The following IL1RAPL1 variants were observed in gnomAD, a reference collection of about 807,000 sequenced individuals.
IL1RAPL1 encodes interleukin 1 receptor accessory protein like 1.
In IL1RAPL1, 3 loss-of-function variants were observed where a neutral mutation model predicts 48.4. The ratio of observed to expected loss-of-function variants is 0.06; its 90% confidence interval spans 0.03 to 0.16. The LOEUF is 0.16. IL1RAPL1 is among the 10% of genes least tolerant of loss of function. The probability of loss-of-function intolerance (pLI) is 1.00; values close to 1 mark genes in which losing one functional copy is unlikely to be tolerated. For synonymous variants in IL1RAPL1, 185 were observed against 187.7 expected (o/e 0.99, Z 0.12); for missense variants, 349 against 530.6 (o/e 0.66, Z 3.36).
intron 2 of IL1RAPL1, among the ~76,000 whole-genome samples, chrX:28,934,619 T>C (rs781511461): frequency 8.9e-6 from 1 of 111,863 alleles, no homozygotes; most frequent in East Asian, 2.8e-4. Flanking sequence ...GCACAATTTA[T>C]ATAAACAGAA....
intron 1 of IL1RAPL1, among the ~76,000 whole-genome samples, chrX:28,617,828 T>C (rs188304793): frequency 7.5e-4 from 84 of 112,196 alleles, no homozygotes; most frequent in African/African-American, 2.6e-3. Context: ...TATTATTTTT[T>C]CCAGTCTTGA....
intron 2 of IL1RAPL1, among the ~76,000 whole-genome samples, chrX:29,136,453 T>C (rs1026781249): frequency 8.9e-6 from 1 of 112,066 alleles, no homozygotes; most frequent in African/African-American, 3.2e-5. Context: ...TTCTAATGTC[T>C]AAATAGGACT....
chrX:29,062,002 T>C (rs1927352821), intron 2 of IL1RAPL1, among the ~76,000 whole-genome samples: 1 of 112,421 alleles, frequency 8.9e-6, no homozygotes, highest in South Asian at 3.7e-4. Context: ...CTATTTAATA[T>C]CAGGAATTCT....
intron 1 of IL1RAPL1, among the ~76,000 whole-genome samples, chrX:28,772,350 C>G (rs1294334581): frequency 9.0e-6 from 1 of 111,490 alleles, no homozygotes; most frequent in African/African-American, 3.3e-5. Context: ...CCATAGTTTT[C>G]TCAAAATTAG....
At chrX:29,843,810 A>G (rs191540992) in intron 6 of IL1RAPL1, among the ~76,000 whole-genome samples, 2 of 106,481 alleles carry the variant, frequency 1.9e-5, no homozygotes. Context: ...TCTCTCTCTC[A>G]TCTCTACTTC....
chrX:29,449,150 A>T (rs754930803), intron 5 of IL1RAPL1, among the ~76,000 whole-genome samples: 81 of 111,853 alleles, frequency 7.2e-4, no homozygotes, highest in African/African-American at 2.5e-3. Context: ...CTTCCCATTT[A>T]TACATAAGGA....
intron 3 of IL1RAPL1, among the ~76,000 whole-genome samples, chrX:29,332,059 T>C (rs1342735954): frequency 9.5e-6 from 1 of 105,071 alleles, no homozygotes; most frequent in Admixed American, 1.0e-4. Context: ...TAATATGAAA[T>C]GTCACAAATT....
At chrX:29,478,987 C>G (rs1226556680) in intron 5 of IL1RAPL1, among the ~76,000 whole-genome samples, 1 of 110,847 alleles carries the variant, frequency 9.0e-6, no homozygotes, top group African/African-American at 3.3e-5. Context: ...TCTCTTCTTA[C>G]CCCTTAAACT....
chrX:29,591,308 G>C (rs1213843442), intron 5 of IL1RAPL1, among the ~76,000 whole-genome samples: 1 of 112,490 alleles, frequency 8.9e-6, no homozygotes, highest in African/African-American at 3.2e-5. Context: ...CGAGGTGCCT[G>C]TAAATATGAA....
intron 2 of IL1RAPL1, among the ~76,000 whole-genome samples, chrX:28,864,880 G>C (rs780932942): frequency 9.0e-6 from 1 of 111,187 alleles, no homozygotes; most frequent in Non-Finnish European, 1.9e-5. Context: ...GGTCCATCCA[G>C]TGGTAGTAGA....
chrX:29,888,915 C>A (rs1412362484), intron 6 of IL1RAPL1, among the ~76,000 whole-genome samples: 1 of 111,718 alleles, frequency 9.0e-6, no homozygotes, highest in Non-Finnish European at 1.9e-5. Flanking sequence ...AGCTTAGCTA[C>A]CTCTTTTTGG....
chrX:29,239,849 G>A (rs1381080196), intron 2 of IL1RAPL1, among the ~76,000 whole-genome samples: 1 of 110,110 alleles, frequency 9.1e-6, no homozygotes, highest in Non-Finnish European at 1.9e-5. Flanking sequence ...TGTTCTAGAG[G>A]CTTACCACAT....
chrX:28,923,725 CT>C (rs2147338844), intron 2 of IL1RAPL1, among the ~76,000 whole-genome samples: 1 of 110,934 alleles, frequency 9.0e-6, no homozygotes, highest in East Asian at 2.8e-4. Flanking sequence ...ATTCTTCCAA[CT>C]TTTCTGTGTG....
chrX:29,663,065 A>AAGATGTAT (rs1925895848), intron 5 of IL1RAPL1, among the ~76,000 whole-genome samples: 1 of 112,337 alleles, frequency 8.9e-6, no homozygotes, highest in Non-Finnish European at 1.9e-5. Flanking sequence ...TACATTCTAC[A>AAGATGTAT]GCTCTCACAA....
At chrX:28,779,677 T>TAG (rs1936400467) in intron 1 of IL1RAPL1, among the ~76,000 whole-genome samples, 1 of 86,912 alleles carries the variant, frequency 1.2e-5, no homozygotes, top group East Asian at 3.5e-4. Context: ...TATATATATA[T>TAG]AGAATGTGGA....
At chrX:28,993,144 A>C (rs993810870) in intron 2 of IL1RAPL1, among the ~76,000 whole-genome samples, 2 of 112,238 alleles carry the variant, frequency 1.8e-5, no homozygotes, top group African/African-American at 6.5e-5. Context: ...GCAGGATTTC[A>C]TTGTCCTATT....
chrX:29,261,849 G>A (rs753644197), intron 2 of IL1RAPL1, among the ~76,000 whole-genome samples: 4 of 111,047 alleles, frequency 3.6e-5, no homozygotes, highest in South Asian at 3.8e-4. Flanking sequence ...GCTATCCTTC[G>A]CTTGCATAAT....
chrX:29,524,918 T>G (rs971398851), intron 5 of IL1RAPL1, among the ~76,000 whole-genome samples: 3 of 112,250 alleles, frequency 2.7e-5, no homozygotes, highest in African/African-American at 9.7e-5. Context: ...TTATAGAGAT[T>G]CCAGTATAAA....
intron 2 of IL1RAPL1, among the ~76,000 whole-genome samples, chrX:29,181,192 A>G (rs755853372): frequency 5.4e-5 from 6 of 111,555 alleles, no homozygotes; most frequent in African/African-American, 2.0e-4. Flanking sequence ...GAAAACAATA[A>G]TAGTCTCATC....
Sources: allele counts gnomAD v4.1 joint callset (sites outside exome capture counted in the v4.1 genomes callset), GRCh38; gene constraint gnomAD v4.1.1; transcripts MANE v1.5; gene names NCBI Gene and HGNC (gene_info 2026-07-23, HGNC 2026-07-21).